ELOVL3: variants seen among roughly 807,000 people sequenced by gnomAD.
ELOVL3 encodes the protein ELOVL fatty acid elongase 3.
A neutral mutation model predicts 14.9 loss-of-function variants in ELOVL3; 11 were observed. That is an observed-to-expected ratio of 0.74 (90% CI 0.46 to 1.22). The LOEUF is 1.22. Among genes scored for constraint, ELOVL3 ranks in the 50% most tolerant of loss-of-function variants. The pLI, the probability that ELOVL3 is intolerant of heterozygous loss-of-function variation, is 0.00. For missense variants in ELOVL3, 277 were observed against 338.9 expected, an observed-to-expected ratio of 0.82 and a Z score of 1.43; for synonymous variants, 117 against 124.7, an observed-to-expected ratio of 0.94 and a Z score of 0.41.
chr10:102,225,891 A>C (rs942829054), upstream of ELOVL3, among the ~76,000 whole-genome samples: 3 of 152,138 alleles, frequency 2.0e-5, no homozygotes, highest in Non-Finnish European at 4.4e-5. Flanking sequence ...GGAAGGGACT[A>C]CAGAAGCTCT....
upstream of ELOVL3, among the ~76,000 whole-genome samples, chr10:102,226,163 G>T (rs145387519): frequency 4.5e-4 from 68 of 152,344 alleles, no homozygotes; most frequent in Middle Eastern, 3.4e-3. Context: ...GCGGGCGATG[G>T]CCTACGACGG....
rs753511516 is a variant in ELOVL3, at chr10:102,229,194, A to G, written c.755A>G (p.His252Arg). ...LYMTYFILFA[H>R]FFCQTYIRPK... Reference sequence around the variant, plus strand: ...ATGACCTATTTCATCCTCTTTGCCCACTTCTTCTGCCAGACCTACATCAGG... The same window carrying G: ...ATGACCTATTTCATCCTCTTTGCCCGCTTCTTCTGCCAGACCTACATCAGG... Residue 252 changes from histidine (H) to arginine (R), a missense_variant, in exon 4 of 4, where the codon CAC becomes CGC. Coordinates refer to ENST00000370005, the MANE Select transcript of ELOVL3 (RefSeq NM_152310.3). 2 of 1,613,984 alleles carry G rather than the reference A, an allele frequency of 1.2e-6. No homozygotes were observed. Among genetic ancestry groups the G allele is most frequent in the South Asian group, 2.2e-5 (2 of 91,084 alleles).
upstream of ELOVL3, among the ~76,000 whole-genome samples, chr10:102,224,847 T>C (rs112085669): frequency 5.6e-3 from 857 of 152,052 alleles, 9 homozygotes; most frequent in African/African-American, 0.019. Context: ...TATTTTTTAG[T>C]AGAGACGGGG....
At chr10:102,228,351 G>C in intron 2 of ELOVL3, 66 bp from the exon 3 acceptor site, 2 of 1,559,072 alleles carry the variant, frequency 1.3e-6, no homozygotes, top group Admixed American at 3.4e-5. Flanking sequence ...TGGCCAAGCC[G>C]GGGGAAGGGT....
intron 1 of ELOVL3, 43 bp from the exon 2 acceptor site, chr10:102,227,583 A>C: frequency 6.3e-7 from 1 of 1,590,534 alleles, no homozygotes; most frequent in Non-Finnish European, 8.6e-7. Flanking sequence ...TTCTCTAATC[A>C]GCACCCACCC....
chr10:102,229,362 A>G lies in ELOVL3; in HGVS notation c.*110A>G, dbSNP rs778561456. 2.6e-5 allele frequency: 29 copies of G among 1,104,258 alleles called. No homozygotes were observed. Among genetic ancestry groups the G allele is most frequent in the Non-Finnish European group, 3.7e-5 (29 of 789,632 alleles). The allele number at this position is 1,104,258 out of a possible 1,614,324, so 68.4% of individuals were successfully genotyped here. A position where few individuals can be genotyped will look rare whatever the true frequency, so the allele number is the denominator to read the frequency against. ...GTTGCCTTACCTGCATGGTTTCCCC[A>G]GAGGATGTGTGCCCCAAGGTGGCTG... On this transcript the variant is annotated 3_prime_UTR_variant, in exon 4 of 4. Transcript: ENST00000370005.
rs751900625 is a variant in ELOVL3, at chr10:102,227,762, G to A, written c.233+5G>A. ...CTTCTGCCTTGCAATCTTCAGGTAAGACCCCATCCCACTCCCTGCCTCTTC... is the reference window on the plus strand; with the variant it reads ...CTTCTGCCTTGCAATCTTCAGGTAAAACCCCATCCCACTCCCTGCCTCTTC... On this transcript the variant is annotated splice_donor_5th_base_variant and intron_variant, in intron 2 of 3. Transcript: ENST00000370005. 9.2e-5 allele frequency: 149 copies of A among 1,613,362 alleles called. 2 individuals carry two copies. The Admixed American group carries it at 2.4e-3, about 26-fold the overall frequency.
In ELOVL3 at chr10:102,229,041, T is replaced by C; in HGVS notation, c.602T>C (p.Leu201Pro). 6.2e-7 allele frequency: 1 copy of C among 1,614,136 alleles called. No homozygotes were observed. Among genetic ancestry groups the C allele is most frequent in the Non-Finnish European group, 8.5e-7 (1 of 1,180,020 alleles). The change falls in exon 4 of 4, where the codon CTC becomes CCC. Residue 201 changes from leucine (L) to proline (P), a missense_variant. Coordinates refer to ENST00000370005, the MANE Select transcript of ELOVL3 (RefSeq NM_152310.3). Reference sequence around the variant, plus strand: ...AAGCCCCCCAAGATGCTGCCCATGCTCATCACCAGCCTGCAGATCTTGCAG... The same window carrying C: ...AAGCCCCCCAAGATGCTGCCCATGCCCATCACCAGCCTGCAGATCTTGCAG... ...NVKPPKMLPM[L>P]ITSLQILQMF...
rs749590215 is a variant in ELOVL3, at chr10:102,228,824, G to A, written c.386-1G>A. ...GCCAACTATGACTCTCCATCTCCCA[G>A]GAGACACAGCCTTCATCATCCTGCG... On this transcript the variant is annotated splice_acceptor_variant, in intron 3 of 3. Transcript: ENST00000370005. LOFTEE classifies it high-confidence loss of function. The A allele has an allele frequency of 6.9e-6, 11 of 1,605,226 alleles. No homozygotes were observed. The African/African-American group carries it at 1.5e-4, about 21-fold the overall frequency.
chr10:102,227,506 C>T, intron 1 of ELOVL3, 120 bp from the exon 2 acceptor site: 1 of 1,166,792 alleles, frequency 8.6e-7, no homozygotes. Flanking sequence ...TCCAATGTCA[C>T]ATAGCTAGTA....
In ELOVL3 at chr10:102,229,055, C is replaced by A. The variant is rs753691698; in HGVS notation, c.616C>A (p.Gln206Lys). 1 of 1,614,186 alleles carries A rather than the reference C, an allele frequency of 6.2e-7. No homozygotes were observed. Among genetic ancestry groups the A allele is most frequent in the Admixed American group, 1.7e-5 (1 of 60,032 alleles). ...GCTGCCCATGCTCATCACCAGCCTG[C>A]AGATCTTGCAGATGTTTGTAGGAGC... The part of the protein sequence containing the change: ...KMLPMLITSL[Q>K]ILQMFVGAIV... The change falls in exon 4 of 4, where the codon CAG becomes AAG. Residue 206 changes from glutamine (Q) to lysine (K), a missense_variant. Gln to Lys is a moderately conservative substitution (Grantham distance 53). Transcript: ENST00000370005.
At chr10:102,228,198 C>G (rs1488989183) in intron 2 of ELOVL3, among the ~76,000 whole-genome samples, 1 of 152,170 alleles carries the variant, frequency 6.6e-6, no homozygotes, top group East Asian at 1.9e-4. Flanking sequence ...AGTCCCATCC[C>G]CCTGCATTCC....
chr10:102,224,910 G>A (rs1353971576), upstream of ELOVL3, among the ~76,000 whole-genome samples: 1 of 151,874 alleles, frequency 6.6e-6, no homozygotes, highest in African/African-American at 2.4e-5. Flanking sequence ...TGATCTGCCC[G>A]CCTCGGCCTC....
upstream of ELOVL3, among the ~76,000 whole-genome samples, chr10:102,225,840 C>G (rs2070131216): frequency 1.3e-5 from 2 of 152,220 alleles, no homozygotes; most frequent in Non-Finnish European, 2.9e-5. Context: ...AAATTCATCT[C>G]CTTCCACCCA....
At position 102,229,282 on chromosome 10, in the gene ELOVL3, C is replaced by T; in HGVS notation, c.*30C>T. 1 of 1,569,006 alleles carries T rather than the reference C, an allele frequency of 6.4e-7. No homozygotes were observed. Reference sequence around the variant, plus strand: ...TTGGAGAGAACAATGAAGCTCCAGGCTCTCTCTTCTCCAGGGCACCAAGAG... The same window carrying T: ...TTGGAGAGAACAATGAAGCTCCAGGTTCTCTCTTCTCCAGGGCACCAAGAG... On this transcript the variant is annotated 3_prime_UTR_variant, in exon 4 of 4. Transcript: ENST00000370005.
intron 1 of ELOVL3, among the ~76,000 whole-genome samples, chr10:102,227,093 C>T (rs1421413551): frequency 6.6e-6 from 1 of 152,098 alleles, no homozygotes; most frequent in African/African-American, 2.4e-5. Flanking sequence ...AGTCAGAGAG[C>T]TCTTCCAAGC....
chr10:102,229,361 C>A lies in ELOVL3; in HGVS notation c.*109C>A. The A allele has an allele frequency of 2.7e-6, 3 of 1,116,548 alleles. No individual in the cohort carries two copies. Among genetic ancestry groups the A allele is most frequent in the Non-Finnish European group, 3.7e-6 (3 of 800,384 alleles). The allele number at this position is 1,116,548 out of a possible 1,614,324, so 69.2% of individuals were successfully genotyped here. A position where few individuals can be genotyped will look rare whatever the true frequency, so the allele number is the denominator to read the frequency against. Reference sequence around the variant, plus strand: ...GGTTGCCTTACCTGCATGGTTTCCCCAGAGGATGTGTGCCCCAAGGTGGCT... The same window carrying A: ...GGTTGCCTTACCTGCATGGTTTCCCAAGAGGATGTGTGCCCCAAGGTGGCT... On this transcript the variant is annotated 3_prime_UTR_variant, in exon 4 of 4. Transcript: ENST00000370005.
At position 102,228,504 on chromosome 10, in the gene ELOVL3, C is replaced by T. The variant is rs777580966; in HGVS notation, c.321C>T (p.Phe107=). The T allele has an allele frequency of 1.2e-6, 2 of 1,614,172 alleles. No individual in the cohort carries two copies. The highest frequency in any genetic ancestry group is 3.3e-5 in the Admixed American group (2 of 60,022). The change falls in exon 3 of 4, where the codon TTC becomes TTT. Residue 107 remains phenylalanine, a synonymous_variant. Coordinates refer to ENST00000370005, the MANE Select transcript of ELOVL3 (RefSeq NM_152310.3). The stretch of plus-strand genomic sequence containing the variant: ...AGCAAACCGTGTGCTTCATCAACTT[C>T]ATCGATAATTCCACAGTCAAATTCT... ...GLKQTVCFIN[F]IDNSTVKFWS...
At chr10:102,227,852 C>A in intron 2 of ELOVL3, 95 bp downstream of exon 2, 1 of 1,446,056 alleles carries the variant, frequency 6.9e-7, no homozygotes, top group South Asian at 1.3e-5. Flanking sequence ...TCCATCCTGT[C>A]CCCAAGTTGC....
Sources: allele counts gnomAD v4.1 joint callset (sites outside exome capture counted in the v4.1 genomes callset), GRCh38; gene constraint gnomAD v4.1.1; transcripts MANE v1.5; gene names NCBI Gene and HGNC (gene_info 2026-07-23, HGNC 2026-07-21).